Variants in GABPB1 observed in about 807,000 individuals in gnomAD.
GABPB1 encodes GA-binding protein subunit beta-1.
Under a neutral mutation model 45.9 loss-of-function variants are expected in GABPB1, and 15 were observed. The observed-to-expected ratio is 0.33, with a 90% CI of 0.22 to 0.50. The LOEUF (loss-of-function observed/expected upper bound fraction) is 0.50, where lower values mean the gene tolerates loss of function less well. GABPB1 is among the 20% of genes least tolerant of loss of function. The probability of loss-of-function intolerance (pLI) is 0.98; values close to 1 mark genes in which losing one functional copy is unlikely to be tolerated. For synonymous variants in GABPB1, 143 were observed against 154.4 expected, an observed-to-expected ratio of 0.93 and a Z score of 0.55; for missense variants, 252 against 457.5, an observed-to-expected ratio of 0.55 and a Z score of 4.10.
intron 1 of GABPB1, among the ~76,000 whole-genome samples, chr15:50,346,189 C>T (rs1463284999): frequency 6.6e-6 from 1 of 151,992 alleles, no homozygotes; most frequent in African/African-American, 2.4e-5. Flanking sequence ...CAAGCTTGTA[C>T]CCTGTTTTCC....
intron 1 of GABPB1, among the ~76,000 whole-genome samples, chr15:50,316,187 A>G (rs1485102586): frequency 2.6e-5 from 4 of 152,252 alleles, no homozygotes; most frequent in African/African-American, 9.6e-5. Context: ...AATGTATGTT[A>G]ATAATAAATC....
intron 1 of GABPB1, among the ~76,000 whole-genome samples, chr15:50,312,547 A>C (rs561868151): frequency 2.6e-5 from 4 of 152,322 alleles, no homozygotes; most frequent in African/African-American, 9.6e-5. Flanking sequence ...ACAGGGAAGA[A>C]ACCTGCAAAA....
At chr15:50,283,692 AG>A (rs2046067968) in intron 8 of GABPB1, among the ~76,000 whole-genome samples, 1 of 151,874 alleles carries the variant, frequency 6.6e-6, no homozygotes, top group Non-Finnish European at 1.5e-5. Context: ...TGTATTTTTT[AG>A]TAGAGATGGG....
chr15:50,289,930 C>A (rs948818296), intron 6 of GABPB1, among the ~76,000 whole-genome samples: 1 of 151,970 alleles, frequency 6.6e-6, no homozygotes, highest in Non-Finnish European at 1.5e-5. Flanking sequence ...TACCACCATA[C>A]CTGACTAGTT....
chr15:50,329,221 C>T (rs920021236), intron 1 of GABPB1, among the ~76,000 whole-genome samples: 1 of 152,162 alleles, frequency 6.6e-6, no homozygotes, highest in East Asian at 1.9e-4. Flanking sequence ...GAAGAGCTCA[C>T]ATCTACCAAG....
chr15:50,346,471 T>C lies in GABPB1; in HGVS notation c.-1+8514A>G, dbSNP rs1347744516. 2.6e-5 allele frequency: 4 copies of C among 152,106 alleles called. No individual in the cohort carries two copies. The South Asian group carries it at 8.3e-4, about 31-fold the overall frequency. 9.4% of individuals were successfully genotyped at this position (152,106 alleles called of 1,614,324 possible). On this transcript the variant is annotated intron_variant, in intron 1 of 8. Transcript: ENST00000380877. ...GTCCAGTAAAATATAAAATAAGTGATTGATGTCAAAGTGCAGACTGTATCT... is the reference window on the plus strand; with the variant it reads ...GTCCAGTAAAATATAAAATAAGTGACTGATGTCAAAGTGCAGACTGTATCT...
At chr15:50,346,102 G>T (rs148338398) in intron 1 of GABPB1, among the ~76,000 whole-genome samples, 292 of 152,162 alleles carry the variant, frequency 1.9e-3, no homozygotes, top group African/African-American at 6.8e-3. Context: ...GTGGCAGCAG[G>T]ATTCTTCTTC....
chr15:50,281,559 G>A (rs1297641227), intron 8 of GABPB1, among the ~76,000 whole-genome samples: 3 of 152,164 alleles, frequency 2.0e-5, no homozygotes, highest in Admixed American at 2.0e-4. Flanking sequence ...TGAGCTATTT[G>A]CTTGTGTGTA....
chr15:50,300,474 G>C (rs8027367), intron 6 of GABPB1, among the ~76,000 whole-genome samples: 53,316 of 109,258 alleles, frequency 0.49, 13,096 homozygotes, highest in Middle Eastern at 0.71. Flanking sequence ...ACAGAGTCTT[G>C]CTCTATCACC....
intron 5 of GABPB1, 159 bp downstream of exon 5, chr15:50,301,098 T>C: frequency 8.9e-7 from 1 of 1,119,244 alleles, no homozygotes; most frequent in African/African-American, 1.6e-5. Flanking sequence ...TTGCCAGTTA[T>C]ACCAAAGAAA....
chr15:50,307,298 A>G (rs1404498928), intron 2 of GABPB1, among the ~76,000 whole-genome samples: 5 of 152,158 alleles, frequency 3.3e-5, no homozygotes, highest in African/African-American at 1.2e-4. Context: ...ATTTGCCCCA[A>G]TTTTAATGTA....
chr15:50,339,847 A>T (rs545224791), intron 1 of GABPB1, among the ~76,000 whole-genome samples: 1 of 152,324 alleles, frequency 6.6e-6, no homozygotes, highest in South Asian at 2.1e-4. Flanking sequence ...CAGGCACATG[A>T]CAAAACCTAA....
rs202033093 is a variant in GABPB1 at position 50,281,387 on chromosome 15, AT to A, written c.1000-2604del. On this transcript the variant is annotated intron_variant, in intron 8 of 8. Transcript: ENST00000380877. ...CCACCATGCTCAGCTAATTTTTTGT[AT>A]TTTTAGTAGAGACGGGGTTTCACCA... 4.7e-4 allele frequency among the ~76,000 whole-genome samples: 71 copies of A among 152,060 alleles called. No individual in the cohort carries two copies. In the East Asian group the frequency reaches 0.013, roughly 27 times the overall value.
At chr15:50,346,308 G>A in intron 1 of GABPB1, 1 of 152,098 alleles carries the variant, frequency 6.6e-6, no homozygotes, top group East Asian at 1.9e-4. Flanking sequence ...AGAAGTAGGA[G>A]GGGCCTATTT....
At chr15:50,292,067 G>C (rs1266985121) in intron 6 of GABPB1, among the ~76,000 whole-genome samples, 1 of 151,976 alleles carries the variant, frequency 6.6e-6, no homozygotes, top group African/African-American at 2.4e-5. Flanking sequence ...GGGCGCGGTG[G>C]CTCATGCCTG....
At chr15:50,295,311 G>C (rs2046474021) in intron 6 of GABPB1, among the ~76,000 whole-genome samples, 1 of 152,070 alleles carries the variant, frequency 6.6e-6, no homozygotes, top group South Asian at 2.1e-4. Flanking sequence ...CAACCACCTT[G>C]AGTGACTCTT....
At chr15:50,337,110 TATATATATATATATATATA>T (rs1181997989) in intron 1 of GABPB1, among the ~76,000 whole-genome samples, 104 of 6,428 alleles carry the variant, frequency 0.016, 6 homozygotes, top group South Asian at 0.1. Flanking sequence ...TATATATATA[TATATATATATATATATATA>T]ATATGAAGAG....
chr15:50,278,932 A>G (rs1271007344), intron 8 of GABPB1, 148 bp from the exon 9 acceptor site: 4 of 573,494 alleles, frequency 7.0e-6, no homozygotes, highest in African/African-American at 3.8e-5. Flanking sequence ...TGCCTTTTCA[A>G]TCAATTCACT....
intron 1 of GABPB1, among the ~76,000 whole-genome samples, chr15:50,312,301 T>C (rs547599391): frequency 6.6e-6 from 1 of 152,322 alleles, no homozygotes; most frequent in East Asian, 1.9e-4. Context: ...GGGATTTATA[T>C]GGGTTTTTTA....
Sources: gnomAD v4.1 joint callset for allele counts (sites outside exome capture counted in the v4.1 genomes callset) on GRCh38, gnomAD v4.1.1 for gene constraint, MANE v1.5 for transcripts, NCBI Gene and HGNC (gene_info 2026-07-23, HGNC 2026-07-21) for gene names.